BHMT: variants seen among roughly 807,000 people sequenced by gnomAD.
The protein encoded by BHMT is betaine--homocysteine S-methyltransferase 1.
In BHMT, 38 loss-of-function variants were observed where a neutral mutation model predicts 49.5. The observed-to-expected ratio is 0.77, with a 90% CI of 0.59 to 1.01. The LOEUF is 1.01. BHMT is among the 50% of genes least tolerant of loss of function. The pLI, the probability that BHMT is intolerant of heterozygous loss-of-function variation, is 0.00. For synonymous variants in BHMT, 166 were observed against 176.3 expected (o/e 0.94, Z 0.46); for missense variants, 426 against 495.7 (o/e 0.86, Z 1.34).
intron 2 of BHMT, 47 bp from the exon 3 acceptor site, chr5:79,119,212 G>A (rs373954954): frequency 2.5e-5 from 35 of 1,386,882 alleles, no homozygotes; most frequent in South Asian, 5.2e-5. Flanking sequence ...TGAAAATATC[G>A]TGTGTTAATA....
Position 79,131,809 on chromosome 5 carries a change from C to G in BHMT, c.*693C>G, listed in dbSNP as rs963165445. ...TTATAAGTAGGTCAGTCATATGAGA[C>G]CTGATCAATAAATATCCAATACCCA... is the stretch of plus-strand genomic sequence containing the variant. On this transcript the variant is annotated 3_prime_UTR_variant, in exon 8 of 8. Coordinates refer to ENST00000274353, the MANE Select transcript of BHMT (RefSeq NM_001713.3). 1.3e-5 allele frequency: 2 copies of G among 152,152 alleles called. No homozygotes were observed. The highest frequency in any genetic ancestry group is 6.5e-5 in the Admixed American group (1 of 15,278). The allele number at this position is 152,152 out of a possible 1,614,324, so 9.4% of individuals were successfully genotyped here. A position where few individuals can be genotyped will look rare whatever the true frequency, so the allele number is the denominator to read the frequency against.
rs569174724 is a variant in BHMT at position 79,126,107 on chromosome 5, G to A, written c.687G>A (p.Lys229=). 1 of 1,613,382 alleles carries A rather than the reference G, an allele frequency of 6.2e-7. No individual in the cohort carries two copies. Among genetic ancestry groups the A allele is most frequent in the South Asian group, 1.1e-5 (1 of 91,046 alleles). Reference sequence around the variant, plus strand: ...CCACCATTAGTTTAAAAACAGTGAAGCTCATGAAGGAGGGCTTGGAGGCTG... The same window carrying A: ...CCACCATTAGTTTAAAAACAGTGAAACTCATGAAGGAGGGCTTGGAGGCTG... ...FDPTISLKTV[K]LMKEGLEAAR... Residue 229 remains lysine, a synonymous_variant, in exon 6 of 8, where the codon AAG becomes AAA. Coordinates refer to ENST00000274353, the MANE Select transcript of BHMT (RefSeq NM_001713.3).
At chr5:79,114,841 A>T (rs1756361662) in intron 1 of BHMT, among the ~76,000 whole-genome samples, 1 of 152,194 alleles carries the variant, frequency 6.6e-6, no homozygotes, top group African/African-American at 2.4e-5. Flanking sequence ...AAAGTCTATG[A>T]TTCTTTGAAA....
intron 1 of BHMT, among the ~76,000 whole-genome samples, chr5:79,113,492 T>C (rs569749386): frequency 9.8e-5 from 15 of 152,308 alleles, no homozygotes; most frequent in African/African-American, 2.6e-4. Context: ...TAAAACAATA[T>C]ATGGACAATA....
chr5:79,115,525 C>T (rs893590112), intron 1 of BHMT, among the ~76,000 whole-genome samples: 4 of 151,940 alleles, frequency 2.6e-5, no homozygotes, highest in Non-Finnish European at 5.9e-5. Context: ...TACTCTTTAA[C>T]GTGTTAAGAA....
rs376886696 is a variant in BHMT, at chr5:79,120,576, C to T, written c.477+35C>T. ...GATGTGGTGAAAGATAAGACAAATACACCTAGTACATTTTCTCTACCTTTT... is the reference window on the plus strand; with the variant it reads ...GATGTGGTGAAAGATAAGACAAATATACCTAGTACATTTTCTCTACCTTTT... On this transcript the variant is annotated intron_variant, in intron 4 of 7. Coordinates refer to ENST00000274353, the MANE Select transcript of BHMT (RefSeq NM_001713.3). 1.2e-5 allele frequency: 19 copies of T among 1,563,330 alleles called. No homozygotes were observed. In the African/African-American group the frequency reaches 2.3e-4, roughly 19 times the overall value.
rs1756470308 is a variant in BHMT at position 79,121,368 on chromosome 5, G to A, written c.625+3G>A. On this transcript the variant is annotated splice_donor_region_variant and intron_variant, in intron 5 of 7. Transcript: ENST00000274353. ...TGCAGTGCGCCTGGTGAAAGCAGGT[G>A]ATGATAGATTTCAATCAGTTTGTGA... The A allele has an allele frequency of 6.2e-7, 1 of 1,613,956 alleles. No individual in the cohort carries two copies. The highest frequency in any genetic ancestry group is 1.3e-5 in the African/African-American group (1 of 74,930).
chr5:79,115,044 T>C (rs1756364661), intron 1 of BHMT, among the ~76,000 whole-genome samples: 1 of 152,226 alleles, frequency 6.6e-6, no homozygotes, highest in Non-Finnish European at 1.5e-5. Context: ...GTTCTCATCA[T>C]AGAGTACAGC....
In BHMT at chr5:79,111,913, A is replaced by C. The variant is rs772598629; in HGVS notation, c.28A>C (p.Lys10Gln). The C allele has an allele frequency of 6.2e-7, 1 of 1,609,332 alleles. No homozygotes were observed. The highest frequency in any genetic ancestry group is 1.1e-5 in the South Asian group (1 of 90,174). Reference sequence around the variant, plus strand: ...GCCACCCGTTGGGGGCAAAAAGGCCAAGAAGGTGAGTCTCCAGGGGACCCG... The same window carrying C: ...GCCACCCGTTGGGGGCAAAAAGGCCCAGAAGGTGAGTCTCCAGGGGACCCG... MPPVGGKKA[K>Q]KGILERLNAG... The change falls in exon 1 of 8, where the codon AAG becomes CAG. Residue 10 changes from lysine (K) to glutamine (Q), a missense_variant. Transcript: ENST00000274353.
chr5:79,130,949 T>C lies in BHMT; in HGVS notation c.1054T>C (p.Trp352Arg), dbSNP rs1268549220. The change falls in exon 8 of 8, where the codon TGG becomes CGG. Residue 352 changes from tryptophan (W) to arginine (R), a missense_variant. Trp to Arg is a moderately radical substitution (Grantham distance 101). Transcript: ENST00000274353. The stretch of plus-strand genomic sequence containing the variant: ...TTCACACAGGGCCAGGAAGGAATAC[T>C]GGGAGAATCTTCGGATAGCCTCAGG... ...WVRARARKEY[W>R]ENLRIASGRP... is the part of the protein sequence containing the mutation. The C allele has an allele frequency of 6.2e-6, 10 of 1,612,930 alleles. No individual in the cohort carries two copies. Among genetic ancestry groups the C allele is most frequent in the Non-Finnish European group, 8.5e-6 (10 of 1,179,548 alleles).
At chr5:79,126,018 A>G in intron 5 of BHMT, 28 bp from the exon 6 acceptor site, 1 of 1,580,666 alleles carries the variant, frequency 6.3e-7, no homozygotes, top group Non-Finnish European at 8.7e-7. Flanking sequence ...GTGCATCCCT[A>G]AGTCTATCAT....
intron 2 of BHMT, 98 bp downstream of exon 2, chr5:79,115,997 C>A: frequency 7.2e-7 from 1 of 1,395,208 alleles, no homozygotes; most frequent in South Asian, 1.8e-5. Context: ...GTGGGAAGAC[C>A]ACTTGAGCCC....
intron 5 of BHMT, among the ~76,000 whole-genome samples, chr5:79,122,812 A>G (rs1292356578): frequency 1.3e-5 from 2 of 152,174 alleles, no homozygotes. Flanking sequence ...ACTTGCATAT[A>G]TCCACAATAT....
rs749339615 is a variant in BHMT, at chr5:79,126,028, T to C, written c.626-18T>C. On this transcript the variant is annotated intron_variant, in intron 5 of 7. Transcript: ENST00000274353. ...TTCTGGTGCATCCCTAAGTCTATCA[T>C]GTTCTTCCCACTCACAGGAGCATCC... The C allele has an allele frequency of 1.6e-5, 25 of 1,589,038 alleles. No homozygotes were observed. The highest frequency in any genetic ancestry group is 2.2e-5 in the Non-Finnish European group (25 of 1,160,284).
intron 1 of BHMT, among the ~76,000 whole-genome samples, chr5:79,114,568 T>G (rs1756355729): frequency 6.6e-6 from 1 of 152,224 alleles, no homozygotes; most frequent in Non-Finnish European, 1.5e-5. Context: ...TTTTATCCAC[T>G]GTTATTGGTA....
rs192963899 is a variant in BHMT, at chr5:79,118,703, C to T, written c.167-556C>T. On this transcript the variant is annotated intron_variant, in intron 2 of 7. Coordinates refer to ENST00000274353, the MANE Select transcript of BHMT (RefSeq NM_001713.3). ...CCCCCAAATGCCATGCCTGTTCCCGCTTTATTATCTTTGCTCAGGCTATTC... is the reference window on the plus strand; with the variant it reads ...CCCCCAAATGCCATGCCTGTTCCCGTTTTATTATCTTTGCTCAGGCTATTC... Among the ~76,000 whole-genome samples the T allele has an allele frequency of 2.0e-5, 3 of 152,334 alleles. No homozygotes were observed. The East Asian group carries it at 5.8e-4, about 29-fold the overall frequency.
In BHMT at chr5:79,120,343, A is replaced by C. The variant is rs1291255495; in HGVS notation, c.286-7A>C. 1.2e-6 allele frequency: 2 copies of C among 1,601,474 alleles called. No individual in the cohort carries two copies. Among genetic ancestry groups the C allele is most frequent in the African/African-American group, 2.7e-5 (2 of 74,266 alleles). On this transcript the variant is annotated splice_region_variant and splice_polypyrimidine_tract_variant and intron_variant, in intron 3 of 7. Transcript: ENST00000274353. ...ATTTAGATGTCTCATATACTCACCC[A>C]TTTTAGGGGCAGGAAGTCAATGAAG...
rs1756652336 is a variant in BHMT, at chr5:79,132,122, CT to C, written c.*1007del. ...TTTCTCTGATAATTTAATATCTACTCTCCTACAAAAGCTCAAGCCTGAAGAT... is the reference window on the plus strand; with the variant it reads ...TTTCTCTGATAATTTAATATCTACTCCCTACAAAAGCTCAAGCCTGAAGAT... On this transcript the variant is annotated 3_prime_UTR_variant, in exon 8 of 8. Coordinates refer to ENST00000274353, the MANE Select transcript of BHMT (RefSeq NM_001713.3). The C allele has an allele frequency of 6.6e-6, 1 of 152,202 alleles. No individual in the cohort carries two copies. Among genetic ancestry groups the C allele is most frequent in the Non-Finnish European group, 1.5e-5 (1 of 68,034 alleles). 9.4% of individuals were successfully genotyped at this position (152,202 alleles called of 1,614,324 possible). A position where few individuals can be genotyped will look rare whatever the true frequency, so the allele number is the denominator to read the frequency against.
At position 79,131,064 on chromosome 5, in the gene BHMT, C is replaced by G. The variant is rs866061122; in HGVS notation, c.1169C>G (p.Thr390Ser). 1.1e-5 allele frequency: 17 copies of G among 1,613,748 alleles called. No individual in the cohort carries two copies. The highest frequency in any genetic ancestry group is 1.4e-5 in the Non-Finnish European group (17 of 1,179,820). Residue 390 changes from threonine (T) to serine (S), a missense_variant, in exon 8 of 8, where the codon ACT becomes AGT. Thr to Ser is a moderately conservative substitution (Grantham distance 58, BLOSUM62 1). Around this residue, in one of 3 missense-constraint regions of BHMT, gnomAD observed 73 missense variants for 68.3 expected, o/e 1.07. Coordinates refer to ENST00000274353, the MANE Select transcript of BHMT (RefSeq NM_001713.3). ...AELMQQKEATTEQQLKELFEK... is the reference protein window; with the variant it reads ...AELMQQKEATSEQQLKELFEK... The stretch of plus-strand genomic sequence containing the variant: ...CTGATGCAGCAGAAAGAAGCCACAA[C>G]TGAGCAGCAGCTGAAAGAGCTCTTT...
Sources: gnomAD v4.1 joint callset for allele counts (sites outside exome capture counted in the v4.1 genomes callset) on GRCh38, gnomAD v4.1.1 for gene constraint, gnomAD v4.1.1 regional missense constraint, MANE v1.5 for transcripts, NCBI Gene and HGNC (gene_info 2026-07-23, HGNC 2026-07-21) for gene names.